The following SAXO1 variants were observed in gnomAD, a reference collection of about 807,000 sequenced individuals.
SAXO1 encodes 4930500O09Rik.
SAXO1 carries 21 observed loss-of-function variants against 17.5 expected under a neutral mutation model. That is an observed-to-expected ratio of 1.20 (90% CI 0.85 to 1.72). The LOEUF is 1.72. SAXO1 is among the 40% of genes most tolerant of loss of function. SAXO1 has a pLI of 0.00. For missense variants in SAXO1, 843 were observed against 596.0 expected, an observed-to-expected ratio of 1.41 and a Z score of -4.32; for synonymous variants, 274 against 216.5, an observed-to-expected ratio of 1.27 and a Z score of -2.33.
In SAXO1 at chr9:19,004,480, TA is replaced by T; in HGVS notation, c.38+28390del. On this transcript the variant is annotated intron_variant, in intron 1 of 3. Coordinates refer to ENST00000380534, the MANE Select transcript of SAXO1 (RefSeq NM_153707.4). ...TGGAACCAACCCAAATGTCCATCAA[TA>T]ATAGACTGGATAAAGAAAATGTGAC... is the stretch of plus-strand genomic sequence containing the variant. 1.3e-5 allele frequency among the ~76,000 whole-genome samples: 2 copies of T among 152,290 alleles called. 1 individual carries two copies.
rs1563921558 is a variant in SAXO1 at position 18,928,642 on chromosome 9, G to A, written c.835C>T (p.Gln279Ter). 6.2e-7 allele frequency: 1 copy of A among 1,614,146 alleles called. No homozygotes were observed. Among genetic ancestry groups the A allele is most frequent in the Non-Finnish European group, 8.5e-7 (1 of 1,180,036 alleles). ...CNTTEFRDKY[Q>*]AWPMPRMFSK... Reference sequence around the variant, plus strand: ...AACATCCGGGGCATTGGCCAAGCTTGGTACTTATCTCGAAACTCAGTGGTG... The same window carrying A: ...AACATCCGGGGCATTGGCCAAGCTTAGTACTTATCTCGAAACTCAGTGGTG... Residue 279 changes from glutamine to a stop codon, truncating the protein, a stop_gained, in exon 4 of 4, where the codon CAA becomes TAA. Coordinates refer to ENST00000380534, the MANE Select transcript of SAXO1 (RefSeq NM_153707.4). LOFTEE classifies it low-confidence loss of function (END_TRUNC).
At chr9:18,983,189 T>G (rs572737713) in intron 1 of SAXO1, among the ~76,000 whole-genome samples, 1 of 152,338 alleles carries the variant, frequency 6.6e-6, no homozygotes, top group Non-Finnish European at 1.5e-5. Context: ...GAGGTTTAAT[T>G]GACACACAGT....
rs575855900 is a variant in SAXO1, at chr9:19,045,316, C to CAAAA, written c.-158+3889_-158+3892dup. Among the ~76,000 whole-genome samples, 262 of 89,314 alleles carry CAAAA rather than the reference C, an allele frequency of 2.9e-3. 9 individuals are homozygous for CAAAA. Among genetic ancestry groups the CAAAA allele is most frequent in the African/African-American group, 6.6e-3 (174 of 26,464 alleles). The allele number at this position is 89,314 out of a possible 152,430, so 58.6% of individuals were successfully genotyped here. A position where few individuals can be genotyped will look rare whatever the true frequency, so the allele number is the denominator to read the frequency against. ...TGGGCGACAGAGCGAGACTCCGTCTCAAAAAAAAAAAAAAAAAAAAAAAAA... is the reference window on the plus strand; with the variant it reads ...TGGGCGACAGAGCGAGACTCCGTCTCAAAAAAAAAAAAAAAAAAAAAAAAAAAAA... On this transcript the variant is annotated intron_variant, in intron 1 of 3. Transcript: ENST00000542071.
At chr9:18,947,241 TA>T (rs1563935903) in intron 2 of SAXO1, among the ~76,000 whole-genome samples, 1 of 152,120 alleles carries the variant, frequency 6.6e-6, no homozygotes, top group Non-Finnish European at 1.5e-5. Flanking sequence ...AATATATATA[TA>T]AAATTCAATG....
At chr9:18,930,178 G>C (rs1325965131) in intron 3 of SAXO1, among the ~76,000 whole-genome samples, 1 of 152,080 alleles carries the variant, frequency 6.6e-6, no homozygotes, top group Non-Finnish European at 1.5e-5. Context: ...ATAATCAGAG[G>C]GAAGATTTTC....
chr9:18,965,800 G>C (rs891317790), intron 1 of SAXO1, among the ~76,000 whole-genome samples: 1 of 152,126 alleles, frequency 6.6e-6, no homozygotes, highest in Non-Finnish European at 1.5e-5. Context: ...ATGCTAGCTG[G>C]TTATTTTGCA....
At chr9:18,969,781 C>G (rs1413340863) in intron 1 of SAXO1, among the ~76,000 whole-genome samples, 1 of 152,202 alleles carries the variant, frequency 6.6e-6, no homozygotes, top group Non-Finnish European at 1.5e-5. Flanking sequence ...CTTTCTGCAG[C>G]CCTGAGAGCT....
At chr9:18,996,700 AAGGC>A (rs1834017373) in intron 1 of SAXO1, among the ~76,000 whole-genome samples, 1 of 152,212 alleles carries the variant, frequency 6.6e-6, no homozygotes, top group South Asian at 2.1e-4. Flanking sequence ...TAACATGATA[AAGGC>A]CACGGATGAA....
intron 1 of SAXO1, among the ~76,000 whole-genome samples, chr9:19,008,473 C>T (rs1361622159): frequency 6.6e-6 from 1 of 152,092 alleles, no homozygotes; most frequent in Non-Finnish European, 1.5e-5. Flanking sequence ...ATGGCAATTT[C>T]TGGAAGGAGC....
chr9:18,986,355 T>C (rs370164192), intron 1 of SAXO1, among the ~76,000 whole-genome samples: 2 of 152,244 alleles, frequency 1.3e-5, no homozygotes, highest in Admixed American at 1.3e-4. Context: ...GAATATTCCA[T>C]TGAGGTCCTA....
chr9:18,974,082 G>A (rs1173442384), intron 1 of SAXO1, among the ~76,000 whole-genome samples: 2 of 152,220 alleles, frequency 1.3e-5, no homozygotes, highest in African/African-American at 2.4e-5. Context: ...TATGGCCAAG[G>A]AAGCAGACAG....
intron 1 of SAXO1, among the ~76,000 whole-genome samples, chr9:19,022,489 C>T (rs939364420): frequency 6.6e-6 from 1 of 152,192 alleles, no homozygotes; most frequent in Non-Finnish European, 1.5e-5. Flanking sequence ...CTCTGCTCTT[C>T]ATTTGGAGCT....
upstream of SAXO1, among the ~76,000 whole-genome samples, chr9:19,037,363 T>C (rs914494284): frequency 6.6e-6 from 1 of 152,184 alleles, no homozygotes; most frequent in South Asian, 2.1e-4. Context: ...TGAAACTATA[T>C]GGTTTGGCTC....
chr9:19,044,494 G>A (rs200989974), intron 1 of SAXO1, among the ~76,000 whole-genome samples: 2 of 152,182 alleles, frequency 1.3e-5, no homozygotes, highest in Non-Finnish European at 2.9e-5. Context: ...AAAAAATGGG[G>A]TAAGAGATCA....
intron 1 of SAXO1, among the ~76,000 whole-genome samples, chr9:19,028,352 G>A (rs1835604419): frequency 6.6e-6 from 1 of 152,122 alleles, no homozygotes; most frequent in South Asian, 2.1e-4. Context: ...CTCCAGCCTG[G>A]GCAACAGAGC....
At chr9:18,995,179 T>C (rs1160641058) in intron 1 of SAXO1, among the ~76,000 whole-genome samples, 2 of 152,212 alleles carry the variant, frequency 1.3e-5, no homozygotes, top group African/African-American at 4.8e-5. Context: ...GATTTGTAAT[T>C]ATTTCCCTGT....
At chr9:18,977,241 G>T (rs781728033) in intron 1 of SAXO1, among the ~76,000 whole-genome samples, 2 of 152,082 alleles carry the variant, frequency 1.3e-5, no homozygotes, top group Admixed American at 6.6e-5. Flanking sequence ...TGAAAACTGT[G>T]GTTCATAGTT....
chr9:18,946,940 C>T (rs1831821116), intron 2 of SAXO1, among the ~76,000 whole-genome samples: 1 of 152,136 alleles, frequency 6.6e-6, no homozygotes, highest in African/African-American at 2.4e-5. Flanking sequence ...TTAATAGAAA[C>T]TATCCAATCT....
intron 1 of SAXO1, among the ~76,000 whole-genome samples, chr9:19,020,916 T>C (rs573497739): frequency 1.3e-5 from 2 of 152,344 alleles, no homozygotes; most frequent in South Asian, 2.1e-4. Flanking sequence ...TTCAATGACC[T>C]GGGAATCCAC....
Sources: gnomAD v4.1 joint callset for allele counts (sites outside exome capture counted in the v4.1 genomes callset) on GRCh38, gnomAD v4.1.1 for gene constraint, MANE v1.5 for transcripts, NCBI Gene and HGNC (gene_info 2026-07-23, HGNC 2026-07-21) for gene names.